The following PRKX variants were observed in gnomAD, a reference collection of about 807,000 sequenced individuals.
PRKX encodes cAMP-dependent protein kinase catalytic subunit PRKX.
In PRKX, 12 loss-of-function variants were observed where a neutral mutation model predicts 22.0. That is an observed-to-expected ratio of 0.54 (90% CI 0.35 to 0.88). The LOEUF (loss-of-function observed/expected upper bound fraction) is 0.88, where lower values mean the gene tolerates loss of function less well. PRKX is among the 40% of genes least tolerant of loss of function. The pLI is 0.01. For missense variants in PRKX, 217 were observed against 308.0 expected (o/e 0.70, Z 2.21); for synonymous variants, 134 against 137.7 (o/e 0.97, Z 0.19).
chrX:3,656,074 C>T (rs1178654441), intron 2 of PRKX, among the ~76,000 whole-genome samples: 1 of 111,511 alleles, frequency 9.0e-6, no homozygotes, highest in African/African-American at 3.3e-5. Context: ...TAGGTGTAGA[C>T]AGATGTTAAT....
intron 6 of PRKX, among the ~76,000 whole-genome samples, chrX:3,619,312 G>A (rs1378211064): frequency 1.8e-5 from 2 of 111,290 alleles, no homozygotes; most frequent in East Asian, 2.9e-4. Flanking sequence ...CCAGGAGCTG[G>A]GAGAGGCAGG....
At chrX:3,649,945 GC>G (rs1370052706) in intron 3 of PRKX, among the ~76,000 whole-genome samples, 2 of 109,591 alleles carry the variant, frequency 1.8e-5, no homozygotes, top group Non-Finnish European at 1.9e-5. Flanking sequence ...TTCAAGACCA[GC>G]CCTGGCAACA....
chrX:3,615,709 A>G lies in PRKX; in HGVS notation c.951+106T>C, dbSNP rs574141379. 1.2e-5 allele frequency: 8 copies of G among 656,861 alleles called. No individual in the cohort carries two copies. In the South Asian group the frequency reaches 2.2e-4, roughly 18 times the overall value. The allele number at this position is 656,861 out of a possible 1,213,427, so 54.1% of individuals were successfully genotyped here. A position where few individuals can be genotyped will look rare whatever the true frequency, so the allele number is the denominator to read the frequency against. ...TTAGACAAATAGTTGTATTATATAA[A>G]TTAATCACATGTCAGCCATCAATAA... On this transcript the variant is annotated intron_variant, in intron 7 of 8. Coordinates refer to ENST00000262848, the MANE Select transcript of PRKX (RefSeq NM_005044.5).
chrX:3,653,942 A>G (rs1220584838), intron 3 of PRKX, among the ~76,000 whole-genome samples: 4 of 79,243 alleles, frequency 5.0e-5, no homozygotes, highest in African/African-American at 2.1e-4. Flanking sequence ...ATACTATGTG[A>G]TATATATAAT....
intron 4 of PRKX, among the ~76,000 whole-genome samples, chrX:3,638,528 A>G (rs745868638): frequency 5.7e-4 from 64 of 111,808 alleles, no homozygotes; most frequent in Non-Finnish European, 1.1e-3. Flanking sequence ...GACGCTGATC[A>G]ATATGCCTAA....
chrX:3,636,943 GGAAAGGAAAT>G (rs1164759196), intron 4 of PRKX, among the ~76,000 whole-genome samples: 1 of 104,397 alleles, frequency 9.6e-6, no homozygotes, highest in Non-Finnish European at 2.0e-5. Context: ...AAAGGAAGAA[GGAAAGGAAAT>G]GAAAGGAAAG....
Position 3,713,182 on chromosome X carries a change from G to A in PRKX, c.72C>T (p.Pro24=), listed in dbSNP as rs762365551. Residue 24 remains proline, a synonymous_variant, in exon 1 of 9, where the codon CCC becomes CCT. Transcript: ENST00000262848. ...TGGGGCAGAGCGCGGGCGCCCCGTC[G>A]GGGGTCTCCTCCGCCACCTTGCGGG... The part of the protein sequence containing the change: ...SDSRKVAEET[P]DGAPALCPSP... 42 of 1,118,778 alleles carry A rather than the reference G, an allele frequency of 3.8e-5. No individual in the cohort carries two copies. Among genetic ancestry groups the A allele is most frequent in the Non-Finnish European group, 4.9e-5 (42 of 856,784 alleles). 92.2% of individuals were successfully genotyped at this position (1,118,778 alleles called of 1,213,427 possible).
chrX:3,680,341 A>ACCATGTTGGCCAGGC (rs2146598375), intron 1 of PRKX, among the ~76,000 whole-genome samples: 1 of 110,505 alleles, frequency 9.0e-6, no homozygotes, highest in East Asian at 2.8e-4. Flanking sequence ...ACAGGGTTTC[A>ACCATGTTGGCCAGGC]CCATGTTGGC....
intron 2 of PRKX, among the ~76,000 whole-genome samples, chrX:3,662,454 G>C (rs1287233814): frequency 9.0e-6 from 1 of 110,555 alleles, no homozygotes; most frequent in Non-Finnish European, 1.9e-5. Flanking sequence ...CCAGCACTTT[G>C]GGAGGCCAAG....
rs1199470158 is a variant in PRKX at position 3,608,435 on chromosome X, C to T, written c.*534G>A. On this transcript the variant is annotated 3_prime_UTR_variant, in exon 9 of 9. Coordinates refer to ENST00000262848, the MANE Select transcript of PRKX (RefSeq NM_005044.5). ...TTTTTTTTAATGCATGCAACATACC[C>T]TTCAGATGTTGTCCCCGAGAAGAGA... The T allele has an allele frequency of 9.1e-6, 1 of 109,735 alleles. No individual in the cohort carries two copies. The highest frequency in any genetic ancestry group is 3.3e-5 in the African/African-American group (1 of 30,135). The allele number at this position is 109,735 out of a possible 1,213,427, so 9.0% of individuals were successfully genotyped here.
chrX:3,707,911 T>A (rs983745533), intron 1 of PRKX, among the ~76,000 whole-genome samples: 1 of 111,775 alleles, frequency 8.9e-6, no homozygotes, highest in Non-Finnish European at 1.9e-5. Context: ...TCCTAATTGC[T>A]ATGTCAACAC....
intron 6 of PRKX, among the ~76,000 whole-genome samples, chrX:3,617,669 G>A (rs1926459142): frequency 1.8e-5 from 2 of 110,003 alleles, no homozygotes; most frequent in African/African-American, 6.6e-5. Context: ...TAAAAAAAGT[G>A]TGTGTGTGGG....
chrX:3,664,182 C>G lies in PRKX; in HGVS notation c.336-8770G>C, dbSNP rs761150097. 8.0e-5 allele frequency among the ~76,000 whole-genome samples: 9 copies of G among 112,004 alleles called. No homozygotes were observed. In the East Asian group the frequency reaches 2.5e-3, roughly 32 times the overall value. ...TGGAAGACCTCCTCCGCACCAGCAGCGCATCCATGGCCCCTTTCCTCCACT... is the reference window on the plus strand; with the variant it reads ...TGGAAGACCTCCTCCGCACCAGCAGGGCATCCATGGCCCCTTTCCTCCACT... On this transcript the variant is annotated intron_variant, in intron 2 of 8. Transcript: ENST00000262848.
At chrX:3,709,373 A>G (rs6641860) in intron 1 of PRKX, among the ~76,000 whole-genome samples, 50,830 of 109,565 alleles carry the variant, frequency 0.46, 9,326 homozygotes, top group African/African-American at 0.66. Context: ...TTCAAAAAAT[A>G]TATATTTTTA....
chrX:3,675,431 C>G (rs1463791874), intron 1 of PRKX, among the ~76,000 whole-genome samples: 1 of 110,879 alleles, frequency 9.0e-6, no homozygotes. Flanking sequence ...AATCCAAACA[C>G]TCTCTTCTCC....
chrX:3,642,062 C>T (rs982428973), intron 3 of PRKX, 91 bp from the exon 4 acceptor site: 32 of 876,480 alleles, frequency 3.7e-5, no homozygotes, highest in South Asian at 2.1e-4. Context: ...ACAATAACTT[C>T]GTTGAGTAAA....
intron 1 of PRKX, among the ~76,000 whole-genome samples, chrX:3,676,624 A>C (rs1022207804): frequency 8.9e-6 from 1 of 112,329 alleles, no homozygotes; most frequent in African/African-American, 3.2e-5. Flanking sequence ...TGTTCAGTGA[A>C]ATAAGATAGG....
chrX:3,651,259 T>TTAAGTAAAATAA, intron 3 of PRKX, among the ~76,000 whole-genome samples: 1 of 112,331 alleles, frequency 8.9e-6, no homozygotes, highest in African/African-American at 3.2e-5. Context: ...AGTAAAATAA[T>TTAAGTAAAATAA]TGCTGCATGT....
chrX:3,606,334 A>T lies in PRKX; in HGVS notation c.*2635T>A, dbSNP rs1208884688. On this transcript the variant is annotated 3_prime_UTR_variant, in exon 9 of 9. Coordinates refer to ENST00000262848, the MANE Select transcript of PRKX (RefSeq NM_005044.5). ...CACCGTGATTGTTTCGTGATCGTCC[A>T]TGCGGACATTTTGGAATGCCCACCC... 8.9e-6 allele frequency: 1 copy of T among 112,519 alleles called. No individual in the cohort carries two copies. Among genetic ancestry groups the T allele is most frequent in the Non-Finnish European group, 1.9e-5 (1 of 53,327 alleles). 9.3% of individuals were successfully genotyped at this position (112,519 alleles called of 1,213,427 possible).
Sources: gnomAD v4.1 joint callset for allele counts (sites outside exome capture counted in the v4.1 genomes callset) on GRCh38, gnomAD v4.1.1 for gene constraint, MANE v1.5 for transcripts, NCBI Gene and HGNC (gene_info 2026-07-23, HGNC 2026-07-21) for gene names.